The following CCDC149 variants were observed in gnomAD, a reference collection of about 807,000 sequenced individuals.
CCDC149 encodes coiled-coil domain-containing protein 149.
A neutral mutation model predicts 59.9 loss-of-function variants in CCDC149; 45 were observed. The observed-to-expected ratio is 0.75, with a 90% CI of 0.59 to 0.96. The LOEUF is 0.96. Among genes scored for constraint, CCDC149 ranks in the 40% least tolerant of loss-of-function variants. The pLI, the probability that CCDC149 is intolerant of heterozygous loss-of-function variation, is 0.00. For synonymous variants in CCDC149, 245 were observed against 260.6 expected (o/e 0.94, Z 0.58); for missense variants, 584 against 664.7 (o/e 0.88, Z 1.33).
intron 1 of CCDC149, among the ~76,000 whole-genome samples, chr4:24,965,808 G>A (rs1036131999): frequency 9.9e-5 from 15 of 152,206 alleles, no homozygotes; most frequent in African/African-American, 3.4e-4. Context: ...GGAGTAGGCC[G>A]AAGCGGCCTT....
Position 24,925,142 on chromosome 4 carries a change from C to A in CCDC149, c.-64-30024G>T, listed in dbSNP as rs554142226. On this transcript the variant is annotated intron_variant, in intron 1 of 12. Coordinates refer to the CCDC149 transcript ENST00000389609. ...ATTAGTTCTCTGTCCCTTATGCCAG[C>A]AGCATGCCACAGTAGAACAGGCATT... Among the ~76,000 whole-genome samples, 6 of 152,320 alleles carry A rather than the reference C, an allele frequency of 3.9e-5. No homozygotes were observed. In the South Asian group the frequency reaches 1.2e-3, roughly 32 times the overall value.
chr4:24,824,361 T>C (rs1715592015), intron 9 of CCDC149, among the ~76,000 whole-genome samples: 1 of 152,098 alleles, frequency 6.6e-6, no homozygotes, highest in Non-Finnish European at 1.5e-5. Context: ...TCAGTAGAAG[T>C]TATGACAGTA....
intron 1 of CCDC149, chr4:24,895,028 G>A: frequency 3.9e-6 from 6 of 1,536,014 alleles, no homozygotes; most frequent in Non-Finnish European, 5.2e-6. Context: ...CGATGATGAT[G>A]ATGATGACGA....
chr4:24,919,958 T>C (rs1029325039), intron 1 of CCDC149, among the ~76,000 whole-genome samples: 3 of 152,200 alleles, frequency 2.0e-5, no homozygotes, highest in African/African-American at 7.2e-5. Flanking sequence ...AGAGAAGATA[T>C]AGAGGCCCAG....
intron 4 of CCDC149, among the ~76,000 whole-genome samples, chr4:24,847,868 AAC>A: frequency 6.6e-6 from 1 of 152,324 alleles, no homozygotes; most frequent in East Asian, 1.9e-4. Context: ...TCACTTTGGT[AAC>A]CTGACATTTG....
At chr4:24,901,423 C>G (rs1721161087) in intron 1 of CCDC149, among the ~76,000 whole-genome samples, 3 of 152,120 alleles carry the variant, frequency 2.0e-5, no homozygotes, top group Admixed American at 2.0e-4. Flanking sequence ...TCATCTTCAG[C>G]CAATGTATTT....
chr4:24,957,666 T>TA (rs34765847), intron 1 of CCDC149, among the ~76,000 whole-genome samples: 26,873 of 152,234 alleles, frequency 0.18, 3,195 homozygotes, highest in African/African-American at 0.32. Context: ...TGCCTATTTT[T>TA]ATAAATAAAG....
At chr4:24,889,544 C>T (rs1720405231) in intron 1 of CCDC149, among the ~76,000 whole-genome samples, 1 of 152,152 alleles carries the variant, frequency 6.6e-6, no homozygotes, top group Non-Finnish European at 1.5e-5. Context: ...TCTTTGCCAT[C>T]CAGGTTGCCA....
At chr4:24,870,256 T>C (rs150023497) in intron 3 of CCDC149, among the ~76,000 whole-genome samples, 1 of 152,376 alleles carries the variant, frequency 6.6e-6, no homozygotes. Context: ...AATTCAAATG[T>C]ACCGGGTGCC....
intron 12 of CCDC149, among the ~76,000 whole-genome samples, chr4:24,814,804 G>C (rs1714906543): frequency 6.6e-6 from 1 of 152,088 alleles, no homozygotes; most frequent in Admixed American, 6.6e-5. Flanking sequence ...ATTTCTACCT[G>C]GCAAACCAAC....
intron 1 of CCDC149, among the ~76,000 whole-genome samples, chr4:24,952,453 A>C (rs1040486306): frequency 2.0e-5 from 3 of 151,198 alleles, no homozygotes; most frequent in Admixed American, 2.0e-4. Flanking sequence ...TTATCCAGGC[A>C]TGGTTGCAGG....
intron 1 of CCDC149, among the ~76,000 whole-genome samples, chr4:24,948,501 C>T (rs1232985690): frequency 6.6e-6 from 1 of 152,182 alleles, no homozygotes; most frequent in Non-Finnish European, 1.5e-5. Context: ...CTGAGGACTG[C>T]ATTATTAAAC....
intron 1 of CCDC149, among the ~76,000 whole-genome samples, chr4:24,885,538 G>A (rs1394769665): frequency 2.6e-5 from 4 of 152,210 alleles, no homozygotes; most frequent in African/African-American, 7.2e-5. Context: ...CGTGGTTTCA[G>A]CCTCCGCCGT....
At chr4:24,818,891 T>C (rs1715186523) in intron 12 of CCDC149, among the ~76,000 whole-genome samples, 1 of 152,198 alleles carries the variant, frequency 6.6e-6, no homozygotes, top group Non-Finnish European at 1.5e-5. Context: ...CACGGGGGCA[T>C]GAATACCAAG....
chr4:24,823,265 T>C (rs2109111528), intron 9 of CCDC149, among the ~76,000 whole-genome samples: 1 of 152,352 alleles, frequency 6.6e-6, no homozygotes, highest in Middle Eastern at 3.4e-3. Flanking sequence ...TTCTCCAAGG[T>C]GACCATTCTG....
chr4:24,825,784 A>C (rs972090940), intron 9 of CCDC149, among the ~76,000 whole-genome samples: 2 of 151,940 alleles, frequency 1.3e-5, no homozygotes, highest in African/African-American at 4.8e-5. Context: ...AAAAAAAAAA[A>C]ACACACACAT....
chr4:24,876,868 C>T (rs10002411), intron 1 of CCDC149, among the ~76,000 whole-genome samples, 171 bp from the exon 2 acceptor site: 152,262 of 152,338 alleles, frequency 1, 76,094 homozygotes, highest in Non-Finnish European at 1. Flanking sequence ...GCTTCTACAG[C>T]GCTAACATGC....
At chr4:24,813,860 C>A (rs1714836074) in intron 12 of CCDC149, among the ~76,000 whole-genome samples, 1 of 151,718 alleles carries the variant, frequency 6.6e-6, no homozygotes, top group African/African-American at 2.4e-5. Context: ...ATGAAACTAC[C>A]AAGACGAAGG....
At chr4:24,909,373 G>A (rs758315760) in intron 1 of CCDC149, among the ~76,000 whole-genome samples, 13 of 152,144 alleles carry the variant, frequency 8.5e-5, no homozygotes, top group East Asian at 1.9e-4. Context: ...AAACCATTTC[G>A]TAACACCACA....
Sources: gnomAD v4.1 joint callset for allele counts (sites outside exome capture counted in the v4.1 genomes callset) on GRCh38, gnomAD v4.1.1 for gene constraint, MANE v1.5 for transcripts, NCBI Gene and HGNC (gene_info 2026-07-23, HGNC 2026-07-21) for gene names.